Variants in NWD2 observed in about 807,000 individuals in gnomAD.
The protein encoded by NWD2 is NACHT and WD repeat domain containing 2.
A neutral mutation model predicts 132.7 loss-of-function variants in NWD2; 37 were observed. The observed-to-expected ratio is 0.28, with a 90% CI of 0.21 to 0.37. The LOEUF is 0.37. Ranked by LOEUF, NWD2 falls within the 10% of genes least tolerant of loss-of-function variation. The pLI, the probability that NWD2 is intolerant of heterozygous loss-of-function variation, is 1.00. For synonymous variants in NWD2, 705 were observed against 803.0 expected (o/e 0.88, Z 2.06); for missense variants, 1,592 against 2,122.4 (o/e 0.75, Z 4.91).
At chr4:37,273,174 A>C (rs911658263) in intron 1 of NWD2, among the ~76,000 whole-genome samples, 2 of 151,782 alleles carry the variant, frequency 1.3e-5, no homozygotes, top group African/African-American at 4.8e-5. Context: ...AAATTTTTCT[A>C]GTTTAACAGA....
At chr4:37,396,960 G>T (rs1364814256) in intron 3 of NWD2, among the ~76,000 whole-genome samples, 4 of 152,094 alleles carry the variant, frequency 2.6e-5, no homozygotes, top group Non-Finnish European at 5.9e-5. Context: ...TTGAACCCAG[G>T]AGGCGGAGGT....
intron 2 of NWD2, among the ~76,000 whole-genome samples, chr4:37,356,066 A>T (rs1433811444): frequency 2.6e-5 from 4 of 152,178 alleles, no homozygotes; most frequent in African/African-American, 7.2e-5. Flanking sequence ...TTCAAACCTT[A>T]AAATTCTGTT....
At chr4:37,427,167 A>C (rs1264069577) in intron 3 of NWD2, among the ~76,000 whole-genome samples, 1 of 151,860 alleles carries the variant, frequency 6.6e-6, no homozygotes, top group East Asian at 1.9e-4. Context: ...CCATCTGTAT[A>C]CTTTCTTGAA....
chr4:37,384,607 G>T (rs1476383719), intron 3 of NWD2, among the ~76,000 whole-genome samples: 1 of 152,178 alleles, frequency 6.6e-6, no homozygotes, highest in Non-Finnish European at 1.5e-5. Context: ...TTTAATGCTA[G>T]AACTGCTGGT....
intron 2 of NWD2, among the ~76,000 whole-genome samples, chr4:37,336,695 C>T (rs2109292804): frequency 6.6e-6 from 1 of 152,282 alleles, no homozygotes; most frequent in South Asian, 2.1e-4. Context: ...AATCCTAACA[C>T]TCTGGGAGGC....
chr4:37,350,128 C>T (rs369456219), intron 2 of NWD2, among the ~76,000 whole-genome samples: 10 of 152,236 alleles, frequency 6.6e-5, no homozygotes, highest in East Asian at 3.9e-4. Context: ...GCAATGCCTC[C>T]GGCTTTGTTC....
intron 3 of NWD2, among the ~76,000 whole-genome samples, chr4:37,428,977 T>C (rs2928294): frequency 0.47 from 71,693 of 152,004 alleles, 17,627 homozygotes; most frequent in South Asian, 0.57. Context: ...GGTGATCTGC[T>C]CGCCTTGGCC....
intron 1 of NWD2, among the ~76,000 whole-genome samples, chr4:37,255,761 G>A (rs1185917667): frequency 6.6e-6 from 1 of 152,124 alleles, no homozygotes; most frequent in Non-Finnish European, 1.5e-5. Context: ...AGAACCCAAG[G>A]CCAGAACTGC....
At chr4:37,319,680 C>T (rs1417141532) in intron 1 of NWD2, among the ~76,000 whole-genome samples, 1 of 152,136 alleles carries the variant, frequency 6.6e-6, no homozygotes, top group Non-Finnish European at 1.5e-5. Context: ...CAGTTTCATT[C>T]TTCTGCATAT....
chr4:37,294,969 G>A (rs1314566380), intron 1 of NWD2, among the ~76,000 whole-genome samples: 1 of 152,222 alleles, frequency 6.6e-6, no homozygotes, highest in Non-Finnish European at 1.5e-5. Flanking sequence ...TAGAGGGAAA[G>A]GAGGGAGGGT....
At chr4:37,381,774 T>C (rs190693988) in intron 3 of NWD2, among the ~76,000 whole-genome samples, 1 of 152,340 alleles carries the variant, frequency 6.6e-6, no homozygotes, top group Admixed American at 6.5e-5. Flanking sequence ...ATGAAAATAC[T>C]ATAAACAGTT....
At chr4:37,300,801 G>A (rs1376185842) in intron 1 of NWD2, among the ~76,000 whole-genome samples, 1 of 152,006 alleles carries the variant, frequency 6.6e-6, no homozygotes, top group Non-Finnish European at 1.5e-5. Flanking sequence ...AGGAATTTAG[G>A]AGGTTTTAAT....
At position 37,439,440 on chromosome 4, in the gene NWD2, GA is replaced by G; in HGVS notation, c.1296+54del. 8.3e-7 allele frequency: 1 copy of G among 1,211,730 alleles called. No homozygotes were observed. Among genetic ancestry groups the G allele is most frequent in the Non-Finnish European group, 1.1e-6 (1 of 898,074 alleles). The allele number at this position is 1,211,730 out of a possible 1,614,324, so 75.1% of individuals were successfully genotyped here. A position where few individuals can be genotyped will look rare whatever the true frequency, so the allele number is the denominator to read the frequency against. ...ATATTTGTAAAAACTTGTACTTTTG[GA>G]AAATGGTAAATTAATCAAATTCATT... On this transcript the variant is annotated intron_variant, in intron 6 of 6. Transcript: ENST00000309447. This position sits in a 1 kb window ranked among gnomAD's most constrained non-coding sequence, Gnocchi z 4.5.
chr4:37,374,550 GGAAT>G (rs1560407344), intron 3 of NWD2, among the ~76,000 whole-genome samples: 2 of 152,064 alleles, frequency 1.3e-5, no homozygotes. Flanking sequence ...TATGGAAAAA[GGAAT>G]GAGACAACAG....
intron 3 of NWD2, among the ~76,000 whole-genome samples, chr4:37,386,663 C>G (rs1255981144): frequency 6.6e-6 from 1 of 152,068 alleles, no homozygotes; most frequent in East Asian, 1.9e-4. Context: ...GTTTGTAAAC[C>G]TGCTTTTTCC....
chr4:37,440,889 C>A (rs2109329984), intron 6 of NWD2, among the ~76,000 whole-genome samples: 1 of 152,290 alleles, frequency 6.6e-6, no homozygotes, highest in East Asian at 1.9e-4. Flanking sequence ...AATTCTGAAG[C>A]TCTGTGTTAT....
intron 3 of NWD2, among the ~76,000 whole-genome samples, chr4:37,377,370 T>C (rs1196621801): frequency 6.6e-6 from 1 of 152,260 alleles, no homozygotes; most frequent in Non-Finnish European, 1.5e-5. Context: ...CATAAGGTTT[T>C]ATGAAGACCT....
At chr4:37,395,079 A>G (rs371135265) in intron 3 of NWD2, among the ~76,000 whole-genome samples, 1 of 151,790 alleles carries the variant, frequency 6.6e-6, no homozygotes, top group East Asian at 1.9e-4. Context: ...TCCTGGGCTT[A>G]CAAGCGTGAG....
At chr4:37,346,871 T>G (rs189912324) in intron 2 of NWD2, among the ~76,000 whole-genome samples, 15 of 152,256 alleles carry the variant, frequency 9.9e-5, no homozygotes, top group Admixed American at 8.5e-4. Context: ...ATTTTTTCAT[T>G]GCTAGTGTAT....
Sources: gnomAD v4.1 joint callset for allele counts (sites outside exome capture counted in the v4.1 genomes callset) on GRCh38, gnomAD v4.1.1 for gene constraint, Gnocchi (gnomAD v3.1) non-coding constraint, MANE v1.5 for transcripts, NCBI Gene and HGNC (gene_info 2026-07-23, HGNC 2026-07-21) for gene names.